MTA1: variants seen among roughly 807,000 people sequenced by gnomAD.
The protein encoded by MTA1 is metastasis-associated protein MTA1.
In MTA1, 15 loss-of-function variants were observed where a neutral mutation model predicts 97.0. The observed-to-expected ratio is 0.15, with a 90% CI of 0.10 to 0.24. MTA1 has a LOEUF of 0.24. Among genes scored for constraint, MTA1 ranks in the 10% least tolerant of loss-of-function variants. The pLI is 1.00. For synonymous variants in MTA1, 435 were observed against 417.5 expected, an observed-to-expected ratio of 1.04 and a Z score of -0.51; for missense variants, 709 against 1,015.1, an observed-to-expected ratio of 0.70 and a Z score of 4.10.
In MTA1 at chr14:105,420,152, C is replaced by G; in HGVS notation, c.28+89C>G. ...CCGCCTCCCCCGCCCCTCTGCCCCG[C>G]AGGCCCCGCGCCCCCCGCCCGCCCT... On this transcript the variant is annotated intron_variant, in intron 1 of 20. Transcript: ENST00000331320. The surrounding 1 kb of genome is among the most constrained non-coding windows in gnomAD (Gnocchi z 5.3). 1 of 675,680 alleles carries G rather than the reference C, an allele frequency of 1.5e-6. No individual in the cohort carries two copies. The allele number at this position is 675,680 out of a possible 1,614,324, so 41.9% of individuals were successfully genotyped here.
chr14:105,428,015 C>CGA (rs375869020), intron 1 of MTA1, among the ~76,000 whole-genome samples: 2 of 109,862 alleles, frequency 1.8e-5, no homozygotes, highest in African/African-American at 7.7e-5. Flanking sequence ...GAGACTCTCT[C>CGA]AAAAAAAAAA....
intron 2 of MTA1, among the ~76,000 whole-genome samples, chr14:105,440,849 A>C (rs1365156648): frequency 1.3e-5 from 2 of 152,242 alleles, no homozygotes; most frequent in African/African-American, 4.8e-5. Context: ...CGGGGCTTCC[A>C]GGTGGGCGCA....
intron 18 of MTA1, chr14:105,467,733 C>T: frequency 3.0e-6 from 1 of 332,582 alleles, no homozygotes; most frequent in Non-Finnish European, 5.9e-6. Context: ...TAGTCCTGGG[C>T]CCAGGGCCAG....
At chr14:105,430,159 A>C (rs1433933154) in intron 1 of MTA1, among the ~76,000 whole-genome samples, 1 of 152,210 alleles carries the variant, frequency 6.6e-6, no homozygotes, top group Non-Finnish European at 1.5e-5. Context: ...GGCTTTCGAC[A>C]GGCCTTCCTA....
At chr14:105,464,985 T>A in intron 15 of MTA1, 109 bp from the exon 16 acceptor site, 1 of 1,316,120 alleles carries the variant, frequency 7.6e-7, no homozygotes, top group African/African-American at 1.4e-5. Flanking sequence ...CACGTCCTCC[T>A]CGGTGCTGAC....
chr14:105,421,839 C>T (rs1566992488), intron 1 of MTA1, among the ~76,000 whole-genome samples: 1 of 152,240 alleles, frequency 6.6e-6, no homozygotes, highest in Non-Finnish European at 1.5e-5. Context: ...GGCTGCGCCG[C>T]CCTCCCCGAA....
intron 1 of MTA1, among the ~76,000 whole-genome samples, chr14:105,426,375 C>CAAAAA (rs781801650): frequency 1.9e-5 from 2 of 103,936 alleles, no homozygotes; most frequent in Non-Finnish European, 3.6e-5. Flanking sequence ...CTTCGTCTCA[C>CAAAAA]AAAAAAAAAA....
At chr14:105,423,464 G>T (rs10132193) in intron 1 of MTA1, among the ~76,000 whole-genome samples, 6,108 of 152,084 alleles carry the variant, frequency 0.04, 398 homozygotes, top group African/African-American at 0.14. Context: ...TGATCCACCC[G>T]CTTCGGCCTC....
At chr14:105,453,789 C>T (rs765110234) in intron 6 of MTA1, among the ~76,000 whole-genome samples, 7 of 152,168 alleles carry the variant, frequency 4.6e-5, no homozygotes, top group East Asian at 1.9e-4. Flanking sequence ...CCAACCTGGG[C>T]GACAAGAGCG....
In MTA1 at chr14:105,464,026, T is replaced by G. The variant is rs2083464694; in HGVS notation, c.1077-6T>G. On this transcript the variant is annotated splice_region_variant and splice_polypyrimidine_tract_variant and intron_variant, in intron 12 of 20. Transcript: ENST00000331320. ...ACTCCTCTCGTCTCTCCTTTCCCTCTTTAAGTAACAAGCCAAATCCGAACC... is the reference window on the plus strand; with the variant it reads ...ACTCCTCTCGTCTCTCCTTTCCCTCGTTAAGTAACAAGCCAAATCCGAACC... The G allele has an allele frequency of 1.2e-6, 2 of 1,612,232 alleles. No homozygotes were observed. The highest frequency in any genetic ancestry group is 2.2e-5 in the South Asian group (2 of 91,026).
chr14:105,445,015 C>T (rs587772339), intron 2 of MTA1, among the ~76,000 whole-genome samples: 4 of 152,292 alleles, frequency 2.6e-5, no homozygotes, highest in Admixed American at 2.0e-4. Flanking sequence ...CTGCGTCCGC[C>T]GCTAGGGCCG....
intron 1 of MTA1, among the ~76,000 whole-genome samples, chr14:105,427,895 G>A (rs1000889995): frequency 6.7e-6 from 1 of 150,328 alleles, no homozygotes; most frequent in Admixed American, 6.6e-5. Flanking sequence ...GTGCGTGCCT[G>A]TAATCCTAGC....
chr14:105,438,803 CTGTGGGTGGCCAG>C (rs1209130434), intron 2 of MTA1, 64 bp downstream of exon 2: 8 of 1,563,042 alleles, frequency 5.1e-6, no homozygotes, highest in South Asian at 3.3e-5. Context: ...AGCTCCTGCC[CTGTGGGTGGCCAG>C]TGTGGGTGGC....
At chr14:105,427,595 C>T (rs1034303033) in intron 1 of MTA1, among the ~76,000 whole-genome samples, 1 of 152,160 alleles carries the variant, frequency 6.6e-6, no homozygotes, top group East Asian at 1.9e-4. Context: ...ACCAGAGGCT[C>T]GTAGGAACCT....
At chr14:105,453,258 G>A (rs1416175577) in intron 6 of MTA1, among the ~76,000 whole-genome samples, 3 of 152,288 alleles carry the variant, frequency 2.0e-5, no homozygotes, top group Non-Finnish European at 4.4e-5. Context: ...GCGCTCCAGC[G>A]GTGGCCGCTC....
chr14:105,449,826 G>C (rs1555428127), intron 4 of MTA1, among the ~76,000 whole-genome samples: 1 of 152,178 alleles, frequency 6.6e-6, no homozygotes, highest in Admixed American at 6.5e-5. Flanking sequence ...GGGCCTTTAG[G>C]GTGCCTGGAC....
chr14:105,451,783 G>GTTT (rs869240296), intron 6 of MTA1, among the ~76,000 whole-genome samples: 223 of 31,342 alleles, frequency 7.1e-3, no homozygotes, highest in African/African-American at 9.1e-3. Context: ...TTCTTTTTTT[G>GTTT]TTTTTTTTTT....
chr14:105,426,854 G>A (rs2082029836), intron 1 of MTA1, among the ~76,000 whole-genome samples: 2 of 152,256 alleles, frequency 1.3e-5, no homozygotes, highest in African/African-American at 4.8e-5. Flanking sequence ...GTTGTCACAT[G>A]GAGACCCGGC....
intron 18 of MTA1, chr14:105,468,094 T>A (rs782628007): frequency 8.5e-6 from 3 of 353,552 alleles, no homozygotes; most frequent in Non-Finnish European, 1.7e-5. Context: ...GCCAGCTGGG[T>A]GAAGACGGCT....
Sources: allele counts gnomAD v4.1 joint callset (sites outside exome capture counted in the v4.1 genomes callset), GRCh38; gene constraint gnomAD v4.1.1; non-coding constraint Gnocchi (gnomAD v3.1); transcripts MANE v1.5; gene names NCBI Gene and HGNC (gene_info 2026-07-23, HGNC 2026-07-21).